The following ADGRV1 variants were observed in gnomAD, a reference collection of about 807,000 sequenced individuals.
ADGRV1 encodes the protein G-protein coupled receptor 98.
ADGRV1 carries 359 observed loss-of-function variants against 596.2 expected under a neutral mutation model. That is an observed-to-expected ratio of 0.60 (90% CI 0.55 to 0.66). ADGRV1 has a LOEUF of 0.66. ADGRV1 is among the 30% of genes least tolerant of loss of function. ADGRV1 has a pLI of 0.00. For missense variants in ADGRV1, 7,274 were observed against 7,575.6 expected (o/e 0.96, Z 1.48); for synonymous variants, 2,681 against 2,679.2 (o/e 1.00, Z -0.02).
Position 90,675,305 on chromosome 5 carries a change from A to G in ADGRV1, c.5173A>G (p.Ser1725Gly), listed in dbSNP as rs368219113. 9.3e-6 allele frequency: 15 copies of G among 1,613,732 alleles called. No homozygotes were observed. Among genetic ancestry groups the G allele is most frequent in the Non-Finnish European group, 1.0e-5 (12 of 1,179,856 alleles). The change falls in exon 24 of 90, where the codon AGC (serine) becomes GGC (glycine). Residue 1725 changes from serine to glycine, a missense_variant. Physicochemically the swap from Ser to Gly is moderately conservative, Grantham distance 56 (BLOSUM62 0). Around this residue, in one of 5 missense-constraint regions of ADGRV1, gnomAD observed 3,643 missense variants for 3,809.2 expected, o/e 0.96. Transcript: ENST00000405460. ...TAAGGACGCAATGACCCTGCCTGCA[A>G]GCAGCGTTCCACATATCACTGTGGA... is the stretch of plus-strand genomic sequence containing the variant. ...QPKDAMTLPASSVPHITVEEE... is the reference protein window; with the variant it reads ...QPKDAMTLPAGSVPHITVEEE...
intron 83 of ADGRV1, among the ~76,000 whole-genome samples, chr5:90,963,030 A>AT (rs1188343044): frequency 1.3e-5 from 2 of 152,204 alleles, no homozygotes; most frequent in African/African-American, 4.8e-5. Flanking sequence ...TTCAATTATA[A>AT]TTTGGATTAC....
At chr5:91,072,953 A>T (rs2151396363) in intron 86 of ADGRV1, among the ~76,000 whole-genome samples, 1 of 152,300 alleles carries the variant, frequency 6.6e-6, no homozygotes. Context: ...CGATTCTGAG[A>T]CTTCTGCACA....
At chr5:90,808,818 C>T (rs1762147867) in intron 73 of ADGRV1, among the ~76,000 whole-genome samples, 1 of 152,052 alleles carries the variant, frequency 6.6e-6, no homozygotes, top group African/African-American at 2.4e-5. Context: ...ATCGCTTGAG[C>T]CCAGGAGGCA....
At chr5:90,759,315 G>A (rs1038942154) in intron 57 of ADGRV1, 94 bp from the exon 58 acceptor site, 1 of 956,284 alleles carries the variant, frequency 1.0e-6, no homozygotes, top group Non-Finnish European at 1.5e-6. Flanking sequence ...ATATATGTCA[G>A]CAAAAACTGT....
At chr5:90,882,568 C>T (rs968932482) in intron 83 of ADGRV1, among the ~76,000 whole-genome samples, 1 of 152,302 alleles carries the variant, frequency 6.6e-6, no homozygotes, top group East Asian at 1.9e-4. Context: ...TTTAAAATTT[C>T]GAGAAAGCTA....
intron 20 of ADGRV1, chr5:90,655,739 C>T (rs886761573): frequency 6.6e-6 from 1 of 151,860 alleles, no homozygotes; most frequent in African/African-American, 2.4e-5. Flanking sequence ...TGGCATCTCA[C>T]AGTATCATAA....
chr5:90,641,101 A>G (rs1448097399), intron 11 of ADGRV1, among the ~76,000 whole-genome samples: 2 of 152,168 alleles, frequency 1.3e-5, no homozygotes, highest in Non-Finnish European at 2.9e-5. Context: ...ATGCATTTAA[A>G]GTATTTTGAA....
chr5:90,881,340 C>T (rs1769747996), intron 83 of ADGRV1, among the ~76,000 whole-genome samples: 1 of 152,122 alleles, frequency 6.6e-6, no homozygotes, highest in Non-Finnish European at 1.5e-5. Context: ...GCACCTGTAA[C>T]CAGTGTTGCC....
intron 74 of ADGRV1, among the ~76,000 whole-genome samples, chr5:90,814,235 C>T (rs1037955988): frequency 1.3e-5 from 2 of 152,214 alleles, no homozygotes; most frequent in African/African-American, 4.8e-5. Context: ...TAGCCCATCA[C>T]TTGCATGTCC....
chr5:90,959,564 G>A (rs6863794), intron 83 of ADGRV1, among the ~76,000 whole-genome samples: 25,814 of 151,934 alleles, frequency 0.17, 3,183 homozygotes, highest in East Asian at 0.49. Flanking sequence ...AAGAAATATA[G>A]CTACAGTAAC....
intron 83 of ADGRV1, among the ~76,000 whole-genome samples, chr5:90,872,423 TTGTGTGTGTGTGTGTGTG>T (rs55743704): frequency 6.9e-4 from 101 of 147,062 alleles, no homozygotes; most frequent in Admixed American, 1.1e-3. Flanking sequence ...TGGTATGAGC[TTGTGTGTGTGTGTGTGTG>T]TGTGTGTGTG....
chr5:90,684,039 T>A lies in ADGRV1; in HGVS notation c.6118T>A (p.Tyr2040Asn). ...AGCGAGAGCAACTCAAGGAAGAGAC[T>A]ATATACCAGCTTCTGGATTTGCTCT... is the stretch of plus-strand genomic sequence containing the variant. ...NLARATQGRDYIPASGFALFG... is the reference protein window; with the variant it reads ...NLARATQGRDNIPASGFALFG... The change falls in exon 28 of 90, where the codon TAT becomes AAT. Residue 2040 changes from tyrosine (Y) to asparagine (N), a missense_variant. Coordinates refer to ENST00000405460, the MANE Select transcript of ADGRV1 (RefSeq NM_032119.4). 1 of 1,613,964 alleles carries A rather than the reference T, an allele frequency of 6.2e-7. No individual in the cohort carries two copies. Among genetic ancestry groups the A allele is most frequent in the South Asian group, 1.1e-5 (1 of 91,084 alleles).
intron 85 of ADGRV1, among the ~76,000 whole-genome samples, chr5:90,992,644 T>C (rs1432217007): frequency 1.3e-5 from 2 of 152,244 alleles, no homozygotes; most frequent in Non-Finnish European, 2.9e-5. Context: ...TTGTGTAGAA[T>C]AGGAAGCTAT....
chr5:90,991,241 C>G (rs899337891), intron 85 of ADGRV1, among the ~76,000 whole-genome samples: 10 of 152,160 alleles, frequency 6.6e-5, no homozygotes, highest in Non-Finnish European at 1.5e-5. Flanking sequence ...TTGTTTTGTA[C>G]TTCTAAAATG....
Position 90,690,055 on chromosome 5 carries a change from G to A in ADGRV1, c.6685G>A (p.Asp2229Asn). Reference sequence around the variant, plus strand: ...GGCAGTCATTATTATTGAGGCCTCTGATGACCCCTATGGATTATTTGGTAT... The same window carrying A: ...GGCAGTCATTATTATTGAGGCCTCTAATGACCCCTATGGATTATTTGGTAT... The part of the protein sequence containing the change: ...TEAVIIIEAS[D>N]DPYGLFGFQI... Residue 2229 changes from aspartate (D) to asparagine (N), a missense_variant, in exon 30 of 90, where the codon GAT (aspartate) becomes AAT (asparagine). Around this residue, in one of 5 missense-constraint regions of ADGRV1, gnomAD observed 3,643 missense variants for 3,809.2 expected, o/e 0.96. Transcript: ENST00000405460. The A allele has an allele frequency of 6.4e-7, 1 of 1,572,136 alleles. No individual in the cohort carries two copies. The highest frequency in any genetic ancestry group is 8.7e-7 in the Non-Finnish European group (1 of 1,154,790).
At chr5:90,796,049 A>G (rs1760672598) in intron 70 of ADGRV1, among the ~76,000 whole-genome samples, 1 of 152,222 alleles carries the variant, frequency 6.6e-6, no homozygotes, top group Non-Finnish European at 1.5e-5. Flanking sequence ...TGAAAATTCC[A>G]AAAACCAGAA....
At chr5:90,949,181 AATG>A (rs1188790231) in intron 83 of ADGRV1, among the ~76,000 whole-genome samples, 1 of 152,188 alleles carries the variant, frequency 6.6e-6, no homozygotes, top group East Asian at 1.9e-4. Flanking sequence ...AGGCAAAATT[AATG>A]ATGATGATGC....
At chr5:90,757,233 A>C (rs1755929582) in intron 57 of ADGRV1, 72 bp downstream of exon 57, 1 of 1,248,842 alleles carries the variant, frequency 8.0e-7, no homozygotes, top group Non-Finnish European at 1.2e-6. Context: ...CATCAAATGA[A>C]TGTACATTGG....
In ADGRV1 at chr5:90,705,004, T is replaced by C. The variant is rs573240586; in HGVS notation, c.8387-396T>C. Among the ~76,000 whole-genome samples, 279 of 152,238 alleles carry C rather than the reference T, an allele frequency of 1.8e-3. 2 individuals carry two copies. Among genetic ancestry groups the C allele is most frequent in the African/African-American group, 6.3e-3 (263 of 41,542 alleles). On this transcript the variant is annotated intron_variant, in intron 36 of 89. Transcript: ENST00000405460. ...TTTTGTATTTTAGTAGAGATGGGGT[T>C]TCACCATGTTGGCCAGGATGATCTC...
Sources: gnomAD v4.1 joint callset for allele counts (sites outside exome capture counted in the v4.1 genomes callset) on GRCh38, gnomAD v4.1.1 for gene constraint, gnomAD v4.1.1 regional missense constraint, MANE v1.5 for transcripts, NCBI Gene and HGNC (gene_info 2026-07-23, HGNC 2026-07-21) for gene names.